TUSC3: variants seen among roughly 807,000 people sequenced by gnomAD.
TUSC3 encodes dolichyl-diphosphooligosaccharide--protein glycosyltransferase subunit TUSC3.
In TUSC3, 45 loss-of-function variants were observed where a neutral mutation model predicts 44.8. The observed-to-expected ratio is 1.00, with a 90% CI of 0.79 to 1.29. The LOEUF is 1.29. TUSC3 is among the 50% of genes most tolerant of loss of function. TUSC3 has a pLI of 0.00. For missense variants in TUSC3, 519 were observed against 437.9 expected (o/e 1.19, Z -1.65); for synonymous variants, 212 against 152.9 (o/e 1.39, Z -2.85).
chr8:15,667,805 C>G (rs1247413275), intron 5 of TUSC3, among the ~76,000 whole-genome samples: 1 of 151,642 alleles, frequency 6.6e-6, no homozygotes, highest in African/African-American at 2.4e-5. Context: ...TTCCCCAAAC[C>G]AAATCGCTTA....
At chr8:15,802,689 A>G in the TUSC3 span, among the ~76,000 whole-genome samples, 2 of 151,164 alleles carry the variant, frequency 1.3e-5, no homozygotes, top group Non-Finnish European at 2.9e-5. Context: ...TGCCAGAAAT[A>G]TGCCCCTACT....
intron 6 of TUSC3, among the ~76,000 whole-genome samples, chr8:15,712,645 A>G (rs769635591): frequency 6.6e-6 from 1 of 151,964 alleles, no homozygotes; most frequent in South Asian, 2.1e-4. Flanking sequence ...CTTCTTGCCA[A>G]TCCCCAATCC....
Position 15,512,937 on chromosome 8 carries a change from T to TATAG in TUSC3, n.189+29457_189+29458insGATA, listed in dbSNP as rs1381204098. On this transcript the variant is annotated intron_variant and non_coding_transcript_variant, in intron 2 of 5. Coordinates refer to the TUSC3 transcript ENST00000503191. ...ATGTATCTATATATATAATCATATA[T>TATAG]ATATATATATATATATATATATGAT... Among the ~76,000 whole-genome samples the TATAG allele has an allele frequency of 2.3e-4, 9 of 39,562 alleles. No individual in the cohort carries two copies. The East Asian group carries it at 3.5e-3, about 15-fold the overall frequency. 26.0% of individuals were successfully genotyped at this position (39,562 alleles called of 152,430 possible).
chr8:15,684,186 A>T (rs1808531035), intron 6 of TUSC3, among the ~76,000 whole-genome samples: 1 of 151,968 alleles, frequency 6.6e-6, no homozygotes, highest in East Asian at 1.9e-4. Flanking sequence ...GTGCCTTTCC[A>T]ATGTTTACCT....
intron 1 of TUSC3, among the ~76,000 whole-genome samples, chr8:15,470,564 A>C (rs921361094): frequency 1.3e-5 from 2 of 152,098 alleles, no homozygotes; most frequent in African/African-American, 4.8e-5. Context: ...GGTATATGGG[A>C]ATTCTTGTAC....
At chr8:15,581,976 G>T (rs1037228883) in intron 1 of TUSC3, among the ~76,000 whole-genome samples, 1 of 151,256 alleles carries the variant, frequency 6.6e-6, no homozygotes, top group African/African-American at 2.5e-5. Flanking sequence ...GTGGGCGTAG[G>T]ACCCTCTGAG....
the TUSC3 span, among the ~76,000 whole-genome samples, chr8:15,824,369 C>T: frequency 5.2e-3 from 789 of 152,238 alleles, 31 homozygotes; most frequent in Admixed American, 0.047. Flanking sequence ...GTATGAATAT[C>T]AACTGATGGG....
chr8:15,543,581 A>G (rs1471081265), intron 1 of TUSC3, among the ~76,000 whole-genome samples: 2 of 152,138 alleles, frequency 1.3e-5, no homozygotes, highest in Non-Finnish European at 2.9e-5. Context: ...TGTAAAATAT[A>G]TAACTATATG....
At chr8:15,660,446 C>A (rs536805023) in intron 4 of TUSC3, among the ~76,000 whole-genome samples, 1 of 151,910 alleles carries the variant, frequency 6.6e-6, no homozygotes, top group East Asian at 1.9e-4. Context: ...AGGAAATGAA[C>A]CTAAATGGTG....
Position 15,764,186 on chromosome 8 carries a change from TTTTC to T in TUSC3, c.*47-9_*47-6del, listed in dbSNP as rs768642357. On this transcript the variant is annotated splice_polypyrimidine_tract_variant and intron_variant, in intron 10 of 10. Transcript: ENST00000503731. ...ATGTTCTATGTTCAGCACATAATAATTTTCTTTCTTTTTCAGCTTTTTAATTAAA... is the reference window on the plus strand; with the variant it reads ...ATGTTCTATGTTCAGCACATAATAATTTTCTTTTTCAGCTTTTTAATTAAA... 5.2e-5 allele frequency: 83 copies of T among 1,597,512 alleles called. No individual in the cohort carries two copies. The highest frequency in any genetic ancestry group is 6.8e-5 in the Non-Finnish European group (79 of 1,166,736).
At chr8:15,786,895 G>C in the TUSC3 span, among the ~76,000 whole-genome samples, 1 of 133,172 alleles carries the variant, frequency 7.5e-6, no homozygotes, top group African/African-American at 2.9e-5. Context: ...AGTGAGCCGA[G>C]ATCGTGCCAC....
At chr8:15,850,556 C>G in the TUSC3 span, among the ~76,000 whole-genome samples, 1 of 152,118 alleles carries the variant, frequency 6.6e-6, no homozygotes, top group Non-Finnish European at 1.5e-5. Context: ...CAAATGTTCT[C>G]TCTTCTCATC....
chr8:15,674,796 T>A (rs1379838875), intron 6 of TUSC3, among the ~76,000 whole-genome samples: 1 of 152,102 alleles, frequency 6.6e-6, no homozygotes, highest in Non-Finnish European at 1.5e-5. Context: ...GTTTTTAAAA[T>A]CTGGCATTAT....
In TUSC3 at chr8:15,722,814, T is replaced by TA. The variant is rs958058146; in HGVS notation, c.799-7845dup. ...GAATGTGTAGCAGTTCATTTGTTAT[T>TA]AAAAAAACTGTTTAAATAAAAAAAA... On this transcript the variant is annotated intron_variant, in intron 6 of 10. Transcript: ENST00000503731. 9.3e-5 allele frequency among the ~76,000 whole-genome samples: 13 copies of TA among 140,266 alleles called. No individual in the cohort carries two copies. The East Asian group carries it at 1.4e-3, about 15-fold the overall frequency. The allele number at this position is 140,266 out of a possible 152,430, so 92.0% of individuals were successfully genotyped here.
chr8:15,647,741 C>T (rs1806696705), intron 2 of TUSC3, among the ~76,000 whole-genome samples: 1 of 152,014 alleles, frequency 6.6e-6, no homozygotes. Context: ...TTTCAGATTC[C>T]TTACATTTCC....
chr8:15,456,948 A>G (rs1247882274), intron 1 of TUSC3, among the ~76,000 whole-genome samples: 1 of 152,210 alleles, frequency 6.6e-6, no homozygotes, highest in Non-Finnish European at 1.5e-5. Flanking sequence ...GGGCACCTTT[A>G]TGAAAATAAA....
chr8:15,735,455 G>A (rs890096647), intron 7 of TUSC3, among the ~76,000 whole-genome samples: 5 of 152,266 alleles, frequency 3.3e-5, no homozygotes, highest in African/African-American at 9.6e-5. Flanking sequence ...CTCATAATTG[G>A]TTGATGAGAA....
At chr8:15,662,381 A>G in intron 5 of TUSC3, 85 bp downstream of exon 5, 2 of 1,562,000 alleles carry the variant, frequency 1.3e-6, no homozygotes. Context: ...TGAGCCAGAT[A>G]TAACTATAAT....
chr8:15,428,821 G>GT (rs1032400391), intron 1 of TUSC3, among the ~76,000 whole-genome samples: 1 of 151,032 alleles, frequency 6.6e-6, no homozygotes, highest in African/African-American at 2.4e-5. Context: ...GGGGTTGTTT[G>GT]TTTTTTTCTT....
Sources: gnomAD v4.1 joint callset for allele counts (sites outside exome capture counted in the v4.1 genomes callset) on GRCh38, gnomAD v4.1.1 for gene constraint, MANE v1.5 for transcripts, NCBI Gene and HGNC (gene_info 2026-07-23, HGNC 2026-07-21) for gene names.